GLRA3: variants seen among roughly 807,000 people sequenced by gnomAD.
GLRA3 encodes the protein glycine receptor alpha 3.
A neutral mutation model predicts 60.4 loss-of-function variants in GLRA3; 44 were observed. The observed-to-expected ratio is 0.73, with a 90% CI of 0.57 to 0.94. GLRA3 has a LOEUF of 0.94. GLRA3 is among the 40% of genes least tolerant of loss of function. The pLI is 0.00. For missense variants in GLRA3, 508 were observed against 564.6 expected (o/e 0.90, Z 1.02); for synonymous variants, 223 against 192.9 (o/e 1.16, Z -1.29).
intron 4 of GLRA3, among the ~76,000 whole-genome samples, chr4:174,724,065 T>A (rs1387015621): frequency 6.6e-6 from 1 of 150,792 alleles, no homozygotes; most frequent in Non-Finnish European, 1.5e-5. Context: ...TGTGTGTGTA[T>A]ATATATATGT....
intron 3 of GLRA3, among the ~76,000 whole-genome samples, chr4:174,729,564 A>G (rs1191526529): frequency 6.6e-6 from 1 of 152,236 alleles, no homozygotes; most frequent in Non-Finnish European, 1.5e-5. Flanking sequence ...CAACTAAATT[A>G]TTGCTCACAA....
chr4:174,749,705 T>C (rs912194785), intron 3 of GLRA3, among the ~76,000 whole-genome samples: 4 of 152,118 alleles, frequency 2.6e-5, no homozygotes, highest in Non-Finnish European at 5.9e-5. Context: ...TATTAAGGCA[T>C]GGTCAGAGAA....
chr4:174,762,355 A>G (rs1737973797), intron 3 of GLRA3, among the ~76,000 whole-genome samples: 1 of 152,118 alleles, frequency 6.6e-6, no homozygotes, highest in African/African-American at 2.4e-5. Context: ...TTTGACAGTT[A>G]GCTGAGAACA....
intron 5 of GLRA3, among the ~76,000 whole-genome samples, chr4:174,686,412 A>G (rs1019039319): frequency 3.3e-5 from 5 of 152,216 alleles, no homozygotes; most frequent in South Asian, 2.1e-4. Flanking sequence ...AAGCTTCCCA[A>G]TGAAAACTAA....
chr4:174,643,776 C>T lies in GLRA3; in HGVS notation c.*10G>A, dbSNP rs1447749626. On this transcript the variant is annotated 3_prime_UTR_variant, in exon 10 of 10. Coordinates refer to ENST00000274093, the MANE Select transcript of GLRA3 (RefSeq NM_006529.4). ...GAATTGACCATTTGCATTTGCATGCCCCCAGAGACTTAATCTTGCTGCTGA... is the reference window on the plus strand; with the variant it reads ...GAATTGACCATTTGCATTTGCATGCTCCCAGAGACTTAATCTTGCTGCTGA... The T allele has an allele frequency of 2.5e-6, 4 of 1,608,162 alleles. No homozygotes were observed. The highest frequency in any genetic ancestry group is 3.4e-6 in the Non-Finnish European group (4 of 1,176,272).
At chr4:174,683,038 C>T (rs1392545091) in intron 5 of GLRA3, 99 bp from the exon 6 acceptor site, 2 of 881,770 alleles carry the variant, frequency 2.3e-6, no homozygotes, top group African/African-American at 1.7e-5. Context: ...GAAGACCAAA[C>T]AGTGTCATCT....
chr4:174,642,262 T>C lies in GLRA3; in HGVS notation c.*1524A>G, dbSNP rs888346876. On this transcript the variant is annotated 3_prime_UTR_variant, in exon 10 of 10. Transcript: ENST00000274093. ...GTTTTTGCTTTTAATTTGAAAGTGG[T>C]TGAAGGGTAGAAAATAGCATCTTGT... 3 of 939,046 alleles carry C rather than the reference T, an allele frequency of 3.2e-6. No individual in the cohort carries two copies. The highest frequency in any genetic ancestry group is 1.8e-5 in the African/African-American group (1 of 56,236). The allele number at this position is 939,046 out of a possible 1,614,324, so 58.2% of individuals were successfully genotyped here. A position where few individuals can be genotyped will look rare whatever the true frequency, so the allele number is the denominator to read the frequency against.
chr4:174,666,603 T>C (rs923862652), intron 7 of GLRA3, among the ~76,000 whole-genome samples: 2 of 151,730 alleles, frequency 1.3e-5, no homozygotes, highest in African/African-American at 2.4e-5. Context: ...AGTTTTATAA[T>C]TTAGGAAAAG....
At chr4:174,733,826 CTG>C (rs1211974068) in intron 3 of GLRA3, among the ~76,000 whole-genome samples, 1 of 152,144 alleles carries the variant, frequency 6.6e-6, no homozygotes, top group African/African-American at 2.4e-5. Context: ...GTATAATAAA[CTG>C]TGTTTTTTCC....
intron 3 of GLRA3, among the ~76,000 whole-genome samples, chr4:174,755,727 A>G: frequency 6.6e-6 from 1 of 152,130 alleles, no homozygotes; most frequent in East Asian, 1.9e-4. Flanking sequence ...AGAGAGATTA[A>G]GATATAGAGA....
At chr4:174,769,255 A>G (rs748150690) in intron 2 of GLRA3, among the ~76,000 whole-genome samples, 5 of 152,032 alleles carry the variant, frequency 3.3e-5, no homozygotes, top group Non-Finnish European at 7.4e-5. Context: ...TACTAACATA[A>G]GCCTTTTTTC....
intron 3 of GLRA3, among the ~76,000 whole-genome samples, chr4:174,757,845 C>T (rs574054909): frequency 6.6e-6 from 1 of 152,094 alleles, no homozygotes; most frequent in Non-Finnish European, 1.5e-5. Context: ...TTCCAAATCT[C>T]GTGTTGAAAT....
chr4:174,794,593 C>T (rs1167851359), intron 1 of GLRA3, among the ~76,000 whole-genome samples: 1 of 152,108 alleles, frequency 6.6e-6, no homozygotes, highest in Non-Finnish European at 1.5e-5. Context: ...CCAATTATCC[C>T]TTTCGAATAA....
rs1170086487 is a variant in GLRA3 at position 174,705,757 on chromosome 4, T to G, written c.574+9731A>C. Among the ~76,000 whole-genome samples the G allele has an allele frequency of 4.3e-5, 6 of 138,848 alleles. 3 individuals carry two copies. The highest frequency in any genetic ancestry group is 6.4e-5 in the Non-Finnish European group (4 of 62,762). The allele number at this position is 138,848 out of a possible 152,430, so 91.1% of individuals were successfully genotyped here. A position where few individuals can be genotyped will look rare whatever the true frequency, so the allele number is the denominator to read the frequency against. On this transcript the variant is annotated intron_variant, in intron 5 of 9. Transcript: ENST00000274093. The stretch of plus-strand genomic sequence containing the variant: ...AAGAGAAACAAAGAGATCACTGTCT[T>G]AATTTTTGCTAGAATTTCTAGTGAT...
chr4:174,643,707 CACACATAT>C lies in GLRA3; in HGVS notation c.*71_*78del. 2.0e-6 allele frequency: 3 copies of C among 1,518,540 alleles called. No individual in the cohort carries two copies. The highest frequency in any genetic ancestry group is 2.6e-6 in the Non-Finnish European group (3 of 1,133,790). The allele number at this position is 1,518,540 out of a possible 1,614,324, so 94.1% of individuals were successfully genotyped here. On this transcript the variant is annotated 3_prime_UTR_variant, in exon 10 of 10. Transcript: ENST00000274093. ...ATGGTCATCATTTGTATACCACACG[CACACATAT>C]ACACATACACACCTATGGCAGAGAC...
At chr4:174,771,287 G>A (rs73006443) in intron 2 of GLRA3, among the ~76,000 whole-genome samples, 5,970 of 152,022 alleles carry the variant, frequency 0.039, 145 homozygotes, top group Admixed American at 0.056. Flanking sequence ...AAAGGATGAG[G>A]TTACAACTGT....
chr4:174,766,912 G>A (rs777231361), intron 3 of GLRA3, 51 bp downstream of exon 3: 1 of 873,554 alleles, frequency 1.1e-6, no homozygotes. Context: ...TGCCATTAAT[G>A]TAATTACAGA....
intron 3 of GLRA3, among the ~76,000 whole-genome samples, chr4:174,748,344 T>C (rs1199526589): frequency 6.6e-6 from 1 of 152,178 alleles, no homozygotes; most frequent in Non-Finnish European, 1.5e-5. Context: ...GCAATTTTAG[T>C]GAAGCGATTG....
intron 7 of GLRA3, among the ~76,000 whole-genome samples, chr4:174,661,499 G>T (rs1377668026): frequency 1.3e-5 from 2 of 152,038 alleles, no homozygotes; most frequent in Non-Finnish European, 2.9e-5. Context: ...CCTCATTTTT[G>T]GTTCTTATGA....
Sources: gnomAD v4.1 joint callset for allele counts (sites outside exome capture counted in the v4.1 genomes callset) on GRCh38, gnomAD v4.1.1 for gene constraint, MANE v1.5 for transcripts, NCBI Gene and HGNC (gene_info 2026-07-23, HGNC 2026-07-21) for gene names.